PHF3: variants seen among roughly 807,000 people sequenced by gnomAD.
PHF3 encodes PHD finger protein 3.
In PHF3, 41 loss-of-function variants were observed where a neutral mutation model predicts 178.4. That is an observed-to-expected ratio of 0.23 (90% CI 0.18 to 0.30). PHF3 has a LOEUF of 0.30. Among genes scored for constraint, PHF3 ranks in the 10% least tolerant of loss-of-function variants. The pLI is 1.00. For synonymous variants in PHF3, 842 were observed against 800.5 expected (o/e 1.05, Z -0.88); for missense variants, 2,346 against 2,398.1 (o/e 0.98, Z 0.45).
chr6:63,700,286 TTC>T (rs1767416538), intron 8 of PHF3, 62 bp from the exon 9 acceptor site: 3 of 658,564 alleles, frequency 4.6e-6, no homozygotes, highest in South Asian at 4.5e-5. Context: ...TATTATAAAT[TTC>T]TGTGTAGTAG....
chr6:63,678,789 G>T (rs1354518469), intron 2 of PHF3: 2 of 444,934 alleles, frequency 4.5e-6, no homozygotes, highest in East Asian at 7.1e-5. Flanking sequence ...GTCATTTAAA[G>T]GTAAACTTAT....
At chr6:63,705,599 C>T (rs543986215) in intron 11 of PHF3, among the ~76,000 whole-genome samples, 33 of 152,292 alleles carry the variant, frequency 2.2e-4, no homozygotes, top group Non-Finnish European at 3.8e-4. Flanking sequence ...CTCATCCCAC[C>T]GTCCATGGGA....
chr6:63,657,852 T>G (rs1169827038), intron 2 of PHF3, among the ~76,000 whole-genome samples: 1 of 152,228 alleles, frequency 6.6e-6, no homozygotes, highest in African/African-American at 2.4e-5. Flanking sequence ...TGGTTGGTTG[T>G]TAATATTTAC....
intron 2 of PHF3, chr6:63,678,794 A>C (rs762851650): frequency 2.2e-6 from 1 of 446,790 alleles, no homozygotes. Flanking sequence ...TTAAAGGTAA[A>C]CTTATGAAGA....
chr6:63,708,273 A>T (rs909385234), intron 13 of PHF3, among the ~76,000 whole-genome samples: 1 of 152,170 alleles, frequency 6.6e-6, no homozygotes, highest in Non-Finnish European at 1.5e-5. Context: ...TAGATCCATG[A>T]TGTTCTTCTT....
At position 63,711,594 on chromosome 6, in the gene PHF3, C is replaced by T. The variant is rs750635652; in HGVS notation, c.4006C>T (p.Leu1336=). 6.4e-7 allele frequency: 1 copy of T among 1,570,762 alleles called. No individual in the cohort carries two copies. The highest frequency in any genetic ancestry group is 1.2e-5 in the South Asian group (1 of 83,856). Residue 1336 remains leucine (L), a synonymous_variant, in exon 16 of 16, where the codon CTG becomes TTG. Coordinates refer to ENST00000262043, the MANE Select transcript of PHF3 (RefSeq NM_001370348.2). ...TTTTTGGTTTTATACAGGGCTTGAA[C>T]TGCATAGACCTAATCTATTGTTGGG... The part of the protein sequence containing the change: ...LVPFDGPGLE[L]HRPNLLLGLI...
chr6:63,694,498 A>G (rs1280103306), intron 5 of PHF3, 83 bp from the exon 6 acceptor site: 10 of 968,308 alleles, frequency 1.0e-5, no homozygotes, highest in South Asian at 2.4e-5. Flanking sequence ...TTTACTAATA[A>G]TCAAGAGTTA....
At position 63,724,960 on chromosome 6, in the gene PHF3, G is replaced by A. The variant is rs1286692183; in HGVS notation, c.*11252G>A. On this transcript the variant is annotated 3_prime_UTR_variant, in exon 16 of 16. Transcript: ENST00000262043. ...TTCTTAGAGAAGGTACAAAGTACAG[G>A]ACTGTCAGCTGCATTTTCTGCAACC... is the stretch of plus-strand genomic sequence containing the variant. Among the ~76,000 whole-genome samples, 1 of 152,050 alleles carries A rather than the reference G, an allele frequency of 6.6e-6. No homozygotes were observed. Among genetic ancestry groups the A allele is most frequent in the Non-Finnish European group, 1.5e-5 (1 of 67,964 alleles).
chr6:63,702,311 C>T (rs540178063), intron 9 of PHF3, 197 bp from the exon 10 acceptor site: 1 of 310,562 alleles, frequency 3.2e-6, no homozygotes, highest in East Asian at 5.2e-5. Context: ...GGGTCTAATT[C>T]TTATAACCGC....
rs555526223 is a variant in PHF3, at chr6:63,725,375, C to G, written c.*11667C>G. The stretch of plus-strand genomic sequence containing the variant: ...TTATAAAACTGTAGTACAATATTCC[C>G]AGCCAGTCACAATCCTGAATATACC... On this transcript the variant is annotated 3_prime_UTR_variant, in exon 16 of 16. Transcript: ENST00000262043. Among the ~76,000 whole-genome samples, 1 of 152,156 alleles carries G rather than the reference C, an allele frequency of 6.6e-6. No individual in the cohort carries two copies. Among genetic ancestry groups the G allele is most frequent in the Non-Finnish European group, 1.5e-5 (1 of 67,946 alleles).
At chr6:63,642,439 C>A (rs749845152) in intron 1 of PHF3, among the ~76,000 whole-genome samples, 3 of 152,158 alleles carry the variant, frequency 2.0e-5, no homozygotes, top group Non-Finnish European at 4.4e-5. Context: ...GTTCATTTCA[C>A]TAGACTTAAA....
At chr6:63,692,183 G>T in intron 5 of PHF3, 140 bp downstream of exon 5, 3 of 675,790 alleles carry the variant, frequency 4.4e-6, no homozygotes, top group East Asian at 2.9e-5. Context: ...AAGTGAATAG[G>T]TTTTTATTTA....
At chr6:63,697,310 GA>G (rs1016011917) in intron 6 of PHF3, among the ~76,000 whole-genome samples, 1 of 152,120 alleles carries the variant, frequency 6.6e-6, no homozygotes, top group African/African-American at 2.4e-5. Flanking sequence ...AGTGAAATAT[GA>G]AGAGCAAATC....
intron 8 of PHF3, among the ~76,000 whole-genome samples, chr6:63,699,605 T>G (rs1158997050): frequency 1.3e-5 from 2 of 152,140 alleles, no homozygotes; most frequent in Non-Finnish European, 2.9e-5. Flanking sequence ...TTTATCTTTT[T>G]TTTGGAGACA....
chr6:63,692,720 A>G (rs1349147928), intron 5 of PHF3, among the ~76,000 whole-genome samples: 1 of 152,172 alleles, frequency 6.6e-6, no homozygotes, highest in Non-Finnish European at 1.5e-5. Context: ...AATCATTTTG[A>G]TTTATTAATA....
rs1768323835 is a variant in PHF3, at chr6:63,720,330, C to G, written c.*6622C>G. On this transcript the variant is annotated 3_prime_UTR_variant, in exon 16 of 16. Coordinates refer to ENST00000262043, the MANE Select transcript of PHF3 (RefSeq NM_001370348.2). ...TAGGGATAGGTAAAAAGTGAATAAG[C>G]AAAGTGAATAAGCACATTCTGTGAA... 1 of 404,316 alleles carries G rather than the reference C, an allele frequency of 2.5e-6. No individual in the cohort carries two copies. The allele number at this position is 404,316 out of a possible 1,614,324, so 25.0% of individuals were successfully genotyped here. A position where few individuals can be genotyped will look rare whatever the true frequency, so the allele number is the denominator to read the frequency against.
chr6:63,693,606 G>A lies in PHF3; in HGVS notation c.2497-975G>A, dbSNP rs150700752. Among the ~76,000 whole-genome samples, 31 of 152,258 alleles carry A rather than the reference G, an allele frequency of 2.0e-4. 1 individual carries two copies. In the East Asian group the frequency reaches 4.2e-3, roughly 21 times the overall value. ...AGCTTGGGCAAAAGAGTGAAACTCC[G>A]TCTCATAAATAAATGAAAAGACATC... On this transcript the variant is annotated intron_variant, in intron 5 of 15. Coordinates refer to ENST00000262043, the MANE Select transcript of PHF3 (RefSeq NM_001370348.2).
rs1160277652 is a variant in PHF3 at position 63,661,224 on chromosome 6, T to C, written c.244+14429T>C. On this transcript the variant is annotated intron_variant, in intron 2 of 15. Coordinates refer to ENST00000262043, the MANE Select transcript of PHF3 (RefSeq NM_001370348.2). ...AATTTACCTCCAGGAAGGCAGGGAT[T>C]GCAGCTATGTATGTTATTCATACCG... is the stretch of plus-strand genomic sequence containing the variant. Among the ~76,000 whole-genome samples the C allele has an allele frequency of 3.3e-5, 5 of 152,220 alleles. No homozygotes were observed. The East Asian group carries it at 9.6e-4, about 29-fold the overall frequency.
intron 6 of PHF3, among the ~76,000 whole-genome samples, 186 bp downstream of exon 6, chr6:63,694,950 G>T (rs1446658713): frequency 6.6e-6 from 1 of 152,064 alleles, no homozygotes. Flanking sequence ...CTAAATTCTG[G>T]GGAAGCGCTA....
Sources: allele counts gnomAD v4.1 joint callset (sites outside exome capture counted in the v4.1 genomes callset), GRCh38; gene constraint gnomAD v4.1.1; transcripts MANE v1.5; gene names NCBI Gene and HGNC (gene_info 2026-07-23, HGNC 2026-07-21).